The following FRMD4B variants were observed in gnomAD, a reference collection of about 807,000 sequenced individuals.
FRMD4B encodes FERM domain containing 4B.
A neutral mutation model predicts 141.5 loss-of-function variants in FRMD4B; 74 were observed. That is an observed-to-expected ratio of 0.52 (90% confidence interval 0.43 to 0.63). The LOEUF (loss-of-function observed/expected upper bound fraction) is 0.63. Ranked by LOEUF, FRMD4B falls within the 30% of genes least tolerant of loss-of-function variation. The pLI, the probability that FRMD4B is intolerant of heterozygous loss-of-function variation, is 0.00. For synonymous variants in FRMD4B, 506 were observed against 467.9 expected, an observed-to-expected ratio of 1.08 and a Z score of -1.05; for missense variants, 1,366 against 1,253.4, an observed-to-expected ratio of 1.09 and a Z score of -1.36.
chr3:69,507,070 T>C (rs930410762), intron 1 of FRMD4B, among the ~76,000 whole-genome samples: 4 of 152,172 alleles, frequency 2.6e-5, no homozygotes, highest in African/African-American at 4.8e-5. Flanking sequence ...ATGTGTATTC[T>C]GAAGCCCCAA....
chr3:69,168,972 C>T lies in FRMD4B; in HGVS notation c.*2889G>A, dbSNP rs1276252918. ...ATCAGTATGTCTTGATACAGAGGCC[C>T]AAGATATATTAGGCAGAAAACAAAA... On this transcript the variant is annotated 3_prime_UTR_variant, in exon 23 of 23. Coordinates refer to ENST00000398540, the MANE Select transcript of FRMD4B (RefSeq NM_015123.3). 6.9e-6 allele frequency among the ~76,000 whole-genome samples: 1 copy of T among 145,564 alleles called. No individual in the cohort carries two copies. The highest frequency in any genetic ancestry group is 2.5e-5 in the African/African-American group (1 of 39,738).
chr3:69,456,898 C>A (rs117676683), intron 1 of FRMD4B, among the ~76,000 whole-genome samples: 1 of 152,158 alleles, frequency 6.6e-6, no homozygotes, highest in Non-Finnish European at 1.5e-5. Flanking sequence ...AATGGCGCAG[C>A]TGAGTAGCTG....
At chr3:69,331,131 G>A in intron 1 of FRMD4B, among the ~76,000 whole-genome samples, 1 of 152,178 alleles carries the variant, frequency 6.6e-6, no homozygotes, top group East Asian at 1.9e-4. Context: ...CTGTTTCTTA[G>A]ACTTCCTCTT....
intron 1 of FRMD4B, among the ~76,000 whole-genome samples, chr3:69,501,990 C>G (rs145420747): frequency 0.047 from 7,150 of 152,212 alleles, 241 homozygotes; most frequent in East Asian, 0.092. Context: ...TGAAGGACCT[C>G]TTCAGGGAGA....
intron 2 of FRMD4B, 99 bp downstream of exon 2, chr3:69,313,353 A>C (rs766265554): frequency 1.3e-6 from 1 of 764,814 alleles, no homozygotes; most frequent in Non-Finnish European, 2.3e-6. Context: ...AATACAGACT[A>C]TGAGGCTCAG....
At chr3:69,265,429 G>T (rs1330885459) in intron 5 of FRMD4B, among the ~76,000 whole-genome samples, 1 of 146,372 alleles carries the variant, frequency 6.8e-6, no homozygotes, top group Non-Finnish European at 1.5e-5. Context: ...TAGATGGCTA[G>T]GTGGCACATT....
intron 1 of FRMD4B, among the ~76,000 whole-genome samples, chr3:69,448,581 A>G (rs981563492): frequency 1.3e-5 from 2 of 152,208 alleles, no homozygotes; most frequent in Non-Finnish European, 2.9e-5. Flanking sequence ...AGCAGTTGGC[A>G]TCTCACTGTG....
chr3:69,409,342 C>T (rs1704714198), intron 2 of FRMD4B, among the ~76,000 whole-genome samples: 4 of 152,188 alleles, frequency 2.6e-5, no homozygotes, highest in Admixed American at 1.3e-4. Context: ...CAATTGGAAA[C>T]TCATACAACC....
At chr3:69,380,920 T>G (rs1305428830) in intron 1 of FRMD4B, among the ~76,000 whole-genome samples, 1 of 152,230 alleles carries the variant, frequency 6.6e-6, no homozygotes, top group Non-Finnish European at 1.5e-5. Context: ...TTTTTTTCTG[T>G]AATATTCTGT....
At chr3:69,338,978 A>C (rs4855391) in intron 1 of FRMD4B, among the ~76,000 whole-genome samples, 23,456 of 152,134 alleles carry the variant, frequency 0.15, 1,880 homozygotes, top group South Asian at 0.18. Flanking sequence ...GTTCTCCCAG[A>C]ATCCTCATGG....
chr3:69,410,604 A>G (rs896740321), intron 2 of FRMD4B, among the ~76,000 whole-genome samples: 4 of 151,654 alleles, frequency 2.6e-5, no homozygotes. Flanking sequence ...ACGGCCATTG[A>G]GAGGAAGGAA....
At chr3:69,348,206 T>G (rs1703013448) in intron 1 of FRMD4B, among the ~76,000 whole-genome samples, 1 of 152,158 alleles carries the variant, frequency 6.6e-6, no homozygotes, top group Admixed American at 6.5e-5. Context: ...TATAAACACT[T>G]CTACGCAAAT....
intron 5 of FRMD4B, among the ~76,000 whole-genome samples, chr3:69,278,227 A>G (rs944125837): frequency 6.6e-6 from 1 of 152,218 alleles, no homozygotes; most frequent in African/African-American, 2.4e-5. Context: ...TCACATACAG[A>G]TAAGTTTGGA....
intron 11 of FRMD4B, among the ~76,000 whole-genome samples, chr3:69,214,540 G>T (rs1221414627): frequency 6.6e-6 from 1 of 152,092 alleles, no homozygotes; most frequent in African/African-American, 2.4e-5. Context: ...GCAAAAACGT[G>T]TTGTACACTT....
intron 1 of FRMD4B, among the ~76,000 whole-genome samples, chr3:69,339,191 T>C (rs1346067760): frequency 6.6e-6 from 1 of 152,164 alleles, no homozygotes; most frequent in Non-Finnish European, 1.5e-5. Flanking sequence ...CTATGAGATT[T>C]AACTATTGGC....
chr3:69,217,892 G>T (rs535435316), intron 10 of FRMD4B, among the ~76,000 whole-genome samples: 1 of 152,066 alleles, frequency 6.6e-6, no homozygotes, highest in African/African-American at 2.4e-5. Context: ...CAAAATATTT[G>T]TCAATCTCTC....
chr3:69,193,362 G>A (rs1416375319), intron 17 of FRMD4B, among the ~76,000 whole-genome samples: 1 of 152,080 alleles, frequency 6.6e-6, no homozygotes. Context: ...TACAAAATTA[G>A]CTAGGTGTGG....
At chr3:69,363,065 T>C (rs954370689) in intron 1 of FRMD4B, among the ~76,000 whole-genome samples, 2 of 151,870 alleles carry the variant, frequency 1.3e-5, no homozygotes, top group Non-Finnish European at 2.9e-5. Flanking sequence ...TATCTCCAGG[T>C]AGGGCAGTGC....
At chr3:69,343,345 T>C (rs1305253607) in intron 1 of FRMD4B, among the ~76,000 whole-genome samples, 1 of 152,172 alleles carries the variant, frequency 6.6e-6, no homozygotes. Context: ...CAAAGCCTCA[T>C]GCTAACACTC....
Sources: gnomAD v4.1 joint callset for allele counts (sites outside exome capture counted in the v4.1 genomes callset) on GRCh38, gnomAD v4.1.1 for gene constraint, MANE v1.5 for transcripts, NCBI Gene and HGNC (gene_info 2026-07-23, HGNC 2026-07-21) for gene names.